CD8B: variants seen among roughly 807,000 people sequenced by gnomAD.
CD8B encodes the protein T-cell surface glycoprotein CD8 beta chain.
Under a neutral mutation model 24.2 loss-of-function variants are expected in CD8B, and 6 were observed. The ratio of observed to expected loss-of-function variants is 0.25; its 90% confidence interval spans 0.14 to 0.49. The LOEUF (loss-of-function observed/expected upper bound fraction) is 0.49. Among genes scored for constraint, CD8B ranks in the 20% least tolerant of loss-of-function variants. The pLI, the probability that CD8B is intolerant of heterozygous loss-of-function variation, is 0.98. For synonymous variants in CD8B, 84 were observed against 108.3 expected (o/e 0.78, Z 1.39); for missense variants, 196 against 271.3 (o/e 0.72, Z 1.95).
At chr2:86,829,087 G>A (rs898143322) in intron 5 of CD8B, among the ~76,000 whole-genome samples, 1 of 121,862 alleles carries the variant, frequency 8.2e-6, no homozygotes, top group South Asian at 2.5e-4. Flanking sequence ...TTTGGCATAT[G>A]CTCTTTACTT....
At chr2:86,851,114 G>GA (rs1173756522) in intron 3 of CD8B, among the ~76,000 whole-genome samples, 1 of 151,028 alleles carries the variant, frequency 6.6e-6, no homozygotes, top group Non-Finnish European at 1.5e-5. Context: ...AAGAAAGAAA[G>GA]AAAAGAAATT....
intron 3 of CD8B, among the ~76,000 whole-genome samples, chr2:86,849,361 C>CT (rs1318874393): frequency 4.7e-4 from 72 of 151,706 alleles, no homozygotes; most frequent in African/African-American, 1.7e-3. Context: ...GCTGGGCTCC[C>CT]TCTCACCTCC....
chr2:86,846,283 G>A (rs1162402524), intron 4 of CD8B, among the ~76,000 whole-genome samples: 1 of 152,142 alleles, frequency 6.6e-6, no homozygotes, highest in Non-Finnish European at 1.5e-5. Flanking sequence ...AACTTTTCTG[G>A]ACACTGGGCT....
chr2:86,858,584 C>T (rs1055206930), intron 1 of CD8B, among the ~76,000 whole-genome samples, 168 bp from the exon 2 acceptor site: 2 of 139,928 alleles, frequency 1.4e-5, no homozygotes. Flanking sequence ...ACTCAGAGTT[C>T]ACATACCCCA....
intron 5 of CD8B, 167 bp downstream of exon 5, chr2:86,844,755 G>A: frequency 6.5e-7 from 1 of 1,531,586 alleles, no homozygotes; most frequent in Non-Finnish European, 8.8e-7. Flanking sequence ...TGATCCTCCT[G>A]CTTCAGCCTC....
intron 1 of CD8B, among the ~76,000 whole-genome samples, chr2:86,859,228 G>C (rs1676448230): frequency 6.6e-6 from 1 of 152,000 alleles, no homozygotes; most frequent in African/African-American, 2.4e-5. Context: ...CCCGAGCCCA[G>C]CAACTGATGG....
intron 5 of CD8B, among the ~76,000 whole-genome samples, chr2:86,831,062 T>C (rs1010888865): frequency 6.6e-6 from 1 of 152,158 alleles, no homozygotes; most frequent in African/African-American, 2.4e-5. Context: ...TTTATTATAA[T>C]CTATTATTTT....
rs1301794391 is a variant in CD8B at position 86,854,324 on chromosome 2, G to A, written c.404-1238C>T. On this transcript the variant is annotated intron_variant, in intron 2 of 5. Transcript: ENST00000390655. ...ATGGAGGAAGCTCATGGAAGGAGGGGGTGCCCTTTTCTGCATGTAGAGTAC... is the reference window on the plus strand; with the variant it reads ...ATGGAGGAAGCTCATGGAAGGAGGGAGTGCCCTTTTCTGCATGTAGAGTAC... Among the ~76,000 whole-genome samples, 4 of 152,094 alleles carry A rather than the reference G, an allele frequency of 2.6e-5. No homozygotes were observed. The East Asian group carries it at 7.7e-4, about 29-fold the overall frequency.
intron 5 of CD8B, among the ~76,000 whole-genome samples, chr2:86,831,265 C>A (rs548530799): frequency 6.6e-6 from 1 of 152,278 alleles, no homozygotes; most frequent in South Asian, 2.1e-4. Flanking sequence ...ACGGGTTTCA[C>A]CATATTGGCC....
chr2:86,847,896 G>A (rs189192389), intron 3 of CD8B, among the ~76,000 whole-genome samples: 1 of 152,278 alleles, frequency 6.6e-6, no homozygotes, highest in African/African-American at 2.4e-5. Flanking sequence ...AAAATATATA[G>A]AGTGGATTAT....
chr2:86,834,622 T>A (rs1675096519), downstream of CD8B, among the ~76,000 whole-genome samples: 1 of 151,824 alleles, frequency 6.6e-6, no homozygotes. Context: ...TATGTCACAA[T>A]GACTAGGAAA....
At chr2:86,850,962 G>A (rs1268120148) in intron 3 of CD8B, among the ~76,000 whole-genome samples, 3 of 151,944 alleles carry the variant, frequency 2.0e-5, no homozygotes, top group Non-Finnish European at 4.4e-5. Flanking sequence ...GTGGTGGTGG[G>A]CACCTGTAAT....
intron 2 of CD8B, among the ~76,000 whole-genome samples, chr2:86,853,797 C>G (rs1676094096): frequency 6.6e-6 from 1 of 152,122 alleles, no homozygotes; most frequent in African/African-American, 2.4e-5. Flanking sequence ...CCTTTGCCTC[C>G]CAGGTTCAAG....
intron 5 of CD8B, chr2:86,822,237 A>G: frequency 1.6e-6 from 1 of 624,594 alleles, no homozygotes; most frequent in Non-Finnish European, 2.6e-6. Flanking sequence ...CCCAGCAGGA[A>G]AAAAAAAAAA....
chr2:86,831,229 C>T (rs944626091), intron 5 of CD8B, among the ~76,000 whole-genome samples: 19 of 152,070 alleles, frequency 1.2e-4, no homozygotes, highest in Non-Finnish European at 2.1e-4. Flanking sequence ...CCATCATGCC[C>T]GGCTAATTTT....
intron 5 of CD8B, chr2:86,843,706 G>A (rs1463656655): frequency 1.8e-5 from 18 of 985,114 alleles, no homozygotes; most frequent in Non-Finnish European, 2.2e-5. Flanking sequence ...AGTGACTTGA[G>A]CTTGTGCTCT....
chr2:86,853,351 A>G (rs1025769038), intron 2 of CD8B, among the ~76,000 whole-genome samples: 3 of 151,916 alleles, frequency 2.0e-5, no homozygotes, highest in African/African-American at 7.3e-5. Flanking sequence ...CTGAGGTGAG[A>G]GGATCACCTG....
downstream of CD8B, among the ~76,000 whole-genome samples, chr2:86,837,512 C>G (rs1481248735): frequency 2.0e-5 from 3 of 151,974 alleles, no homozygotes; most frequent in Non-Finnish European, 4.4e-5. Context: ...TCCCAAGAAG[C>G]GACAGAGGAA....
chr2:86,849,550 C>T (rs1417309200), intron 3 of CD8B, among the ~76,000 whole-genome samples: 2 of 152,112 alleles, frequency 1.3e-5, no homozygotes, highest in Admixed American at 6.5e-5. Context: ...GAGCTGTGAA[C>T]AAGCACAGGG....
Sources: gnomAD v4.1 joint callset for allele counts (sites outside exome capture counted in the v4.1 genomes callset) on GRCh38, gnomAD v4.1.1 for gene constraint, MANE v1.5 for transcripts, NCBI Gene and HGNC (gene_info 2026-07-23, HGNC 2026-07-21) for gene names.